The following LGSN variants were observed in gnomAD, a reference collection of about 807,000 sequenced individuals.
The protein encoded by LGSN is lengsin, lens protein with glutamine synthetase domain, also known as lengsin.
Under a neutral mutation model 19.5 loss-of-function variants are expected in LGSN, and 21 were observed. The ratio of observed to expected loss-of-function variants is 1.07; its 90% confidence interval spans 0.76 to 1.55. The LOEUF is 1.55. Among genes scored for constraint, LGSN ranks in the 40% most tolerant of loss-of-function variants. The pLI, the probability that LGSN is intolerant of heterozygous loss-of-function variation, is 0.00. For synonymous variants in LGSN, 257 were observed against 215.6 expected, an observed-to-expected ratio of 1.19 and a Z score of -1.68; for missense variants, 673 against 608.5, an observed-to-expected ratio of 1.11 and a Z score of -1.12.
At position 63,299,078 on chromosome 6, in the gene LGSN, G is replaced by T. The variant is rs1237975732; in HGVS notation, c.31-4033C>A. Reference sequence around the variant, plus strand: ...TATCCATACCGAGTCCACACATAGAGAATTATTTCCTCGCCTTATTAATTA... The same window carrying T: ...TATCCATACCGAGTCCACACATAGATAATTATTTCCTCGCCTTATTAATTA... On this transcript the variant is annotated intron_variant, in intron 1 of 3. Coordinates refer to ENST00000370657, the MANE Select transcript of LGSN (RefSeq NM_016571.3). Among the ~76,000 whole-genome samples, 6 of 152,130 alleles carry T rather than the reference G, an allele frequency of 3.9e-5. No individual in the cohort carries two copies. The East Asian group carries it at 1.2e-3, about 29-fold the overall frequency.
the LGSN span, chr6:63,441,941 C>A: frequency 1.6e-4 from 37 of 230,598 alleles, no homozygotes; most frequent in African/African-American, 7.5e-4. Context: ...GCTGCGGACC[C>A]TCGCGGTGAG....
the LGSN span, among the ~76,000 whole-genome samples, chr6:63,463,232 A>T: frequency 6.6e-6 from 1 of 152,238 alleles, no homozygotes; most frequent in Non-Finnish European, 1.5e-5. Context: ...AAATGAGTGA[A>T]TATATGTTAA....
At chr6:63,550,498 G>C in the LGSN span, 1 of 152,192 alleles carries the variant, frequency 6.6e-6, no homozygotes, top group Non-Finnish European at 1.5e-5. Context: ...AGAGGGGTGA[G>C]TAGGCCACAC....
chr6:63,498,072 C>A, the LGSN span, among the ~76,000 whole-genome samples: 1 of 151,842 alleles, frequency 6.6e-6, no homozygotes, highest in Non-Finnish European at 1.5e-5. Flanking sequence ...GCATGCACCA[C>A]TACACCCGGC....
chr6:63,371,475 C>T, the LGSN span, among the ~76,000 whole-genome samples: 1 of 152,140 alleles, frequency 6.6e-6, no homozygotes, highest in Non-Finnish European at 1.5e-5. Flanking sequence ...ATATTAAATA[C>T]TTTTTTTAGA....
At chr6:63,309,823 T>C (rs2127394396) in intron 1 of LGSN, among the ~76,000 whole-genome samples, 1 of 152,338 alleles carries the variant, frequency 6.6e-6, no homozygotes, top group East Asian at 1.9e-4. Flanking sequence ...TTAACTGTAA[T>C]TTTGTATTCT....
At chr6:63,501,925 C>T in the LGSN span, among the ~76,000 whole-genome samples, 1 of 152,154 alleles carries the variant, frequency 6.6e-6, no homozygotes, top group South Asian at 2.1e-4. Context: ...CCTCCCAAGT[C>T]ACTGGGACTA....
the LGSN span, among the ~76,000 whole-genome samples, chr6:63,548,449 T>C: frequency 6.6e-6 from 1 of 152,212 alleles, no homozygotes; most frequent in Non-Finnish European, 1.5e-5. Flanking sequence ...TATGTCCTTA[T>C]GCCACATTCC....
the LGSN span, among the ~76,000 whole-genome samples, chr6:63,412,748 AAAGAAAGAAAGAAAGAAAGAAAGG>A: frequency 0.046 from 4,149 of 89,804 alleles, 328 homozygotes; most frequent in African/African-American, 0.15. Context: ...AGAAAGAAAG[AAAGAAAGAAAGAAAGAAAGAAAGG>A]AAGGAAGGGA....
the LGSN span, among the ~76,000 whole-genome samples, chr6:63,525,528 G>A: frequency 6.6e-6 from 1 of 152,192 alleles, no homozygotes; most frequent in Non-Finnish European, 1.5e-5. Flanking sequence ...CCAGAACCTA[G>A]TTCATGCCAC....
chr6:63,413,365 A>T, the LGSN span, among the ~76,000 whole-genome samples: 1 of 152,186 alleles, frequency 6.6e-6, no homozygotes, highest in Non-Finnish European at 1.5e-5. Context: ...TAAGAAATGG[A>T]TACACAATAT....
chr6:63,337,731 G>A, the LGSN span, among the ~76,000 whole-genome samples: 5 of 151,796 alleles, frequency 3.3e-5, no homozygotes, highest in East Asian at 9.8e-4. Context: ...TTGAGCCCAG[G>A]AAGTTGAGCC....
chr6:63,426,969 T>C, the LGSN span, among the ~76,000 whole-genome samples: 1 of 152,172 alleles, frequency 6.6e-6, no homozygotes, highest in African/African-American at 2.4e-5. Context: ...TGTCCTTTTA[T>C]ATTCATATGG....
the LGSN span, among the ~76,000 whole-genome samples, chr6:63,469,833 C>T: frequency 6.6e-6 from 1 of 152,284 alleles, no homozygotes; most frequent in South Asian, 2.1e-4. Context: ...TCTCCTGCCT[C>T]AGCCTCCTGA....
the LGSN span, among the ~76,000 whole-genome samples, chr6:63,492,201 T>C: frequency 3.9e-5 from 6 of 152,226 alleles, no homozygotes; most frequent in African/African-American, 1.4e-4. Flanking sequence ...AATGCAGGCA[T>C]GTGCATAACT....
the LGSN span, among the ~76,000 whole-genome samples, chr6:63,477,278 T>C: frequency 1.4e-4 from 22 of 152,358 alleles, 1 homozygote; most frequent in East Asian, 4.2e-3. Context: ...ACAGTTAGTT[T>C]TATGTCATCC....
the LGSN span, among the ~76,000 whole-genome samples, chr6:63,563,499 C>T: frequency 6.6e-6 from 1 of 152,230 alleles, no homozygotes; most frequent in East Asian, 1.9e-4. Context: ...CCACCCCTGA[C>T]TTCACTGTCT....
At chr6:63,449,115 C>T in the LGSN span, among the ~76,000 whole-genome samples, 127 of 152,146 alleles carry the variant, frequency 8.3e-4, no homozygotes, top group African/African-American at 2.9e-3. Context: ...GGCAGGATTG[C>T]GGATAGGTCC....
chr6:63,328,857 C>T, the LGSN span, among the ~76,000 whole-genome samples: 13 of 152,156 alleles, frequency 8.5e-5, no homozygotes, highest in East Asian at 1.9e-4. Flanking sequence ...CTGGCTATCT[C>T]GCTGCATCCA....
Sources: gnomAD v4.1 joint callset for allele counts (sites outside exome capture counted in the v4.1 genomes callset) on GRCh38, gnomAD v4.1.1 for gene constraint, MANE v1.5 for transcripts, NCBI Gene and HGNC (gene_info 2026-07-23, HGNC 2026-07-21) for gene names.